Variants in CD163L1 observed in about 807,000 individuals in gnomAD.
CD163L1 encodes the protein scavenger receptor cysteine-rich type 1 protein M160.
CD163L1 carries 124 observed loss-of-function variants against 165.4 expected under a neutral mutation model. The observed-to-expected ratio is 0.75, with a 90% confidence interval of 0.65 to 0.87. The LOEUF is 0.87. Among genes scored for constraint, CD163L1 ranks in the 40% least tolerant of loss-of-function variants. The pLI is 0.00. For missense variants in CD163L1, 1,525 were observed against 1,799.9 expected (o/e 0.85, Z 2.76); for synonymous variants, 585 against 662.2 (o/e 0.88, Z 1.79).
rs909377164 is a variant in CD163L1 at position 7,398,171 on chromosome 12, C to T, written c.1729+93G>A. ...AAGAGTCATGGCCCCTCAATCAATTCCCACATGTAAGCCAGTTTATAGACC... is the reference window on the plus strand; with the variant it reads ...AAGAGTCATGGCCCCTCAATCAATTTCCACATGTAAGCCAGTTTATAGACC... On this transcript the variant is annotated intron_variant, in intron 7 of 19. Transcript: ENST00000313599. This position sits in a 1 kb window ranked among gnomAD's most constrained non-coding sequence, Gnocchi z 4.5. The T allele has an allele frequency of 5.3e-6, 6 of 1,136,074 alleles. No individual in the cohort carries two copies. Among genetic ancestry groups the T allele is most frequent in the Non-Finnish European group, 7.5e-6 (6 of 794,950 alleles). 70.4% of individuals were successfully genotyped at this position (1,136,074 alleles called of 1,614,324 possible).
rs746561080 is a variant in CD163L1 at position 7,439,840 on chromosome 12, T to C, written c.124+1314A>G. 2.5e-4 allele frequency: 406 copies of C among 1,613,310 alleles called. 1 individual carries two copies. The highest frequency in any genetic ancestry group is 4.5e-5 in the Non-Finnish European group (53 of 1,179,530). The stretch of plus-strand genomic sequence containing the variant: ...CACATCCTCTCCGTCCTCCTCACTG[T>C]CGCCAAAGGCCTCCGCTCCTCTCGC... On this transcript the variant is annotated intron_variant, in intron 2 of 19. Transcript: ENST00000313599.
At chr12:7,330,634 A>G in the CD163L1 span, among the ~76,000 whole-genome samples, 1 of 152,222 alleles carries the variant, frequency 6.6e-6, no homozygotes, top group Non-Finnish European at 1.5e-5. Flanking sequence ...ATTTAGAGAA[A>G]GGGTTCCTCA....
At position 7,398,311 on chromosome 12, in the gene CD163L1, C is replaced by A. The variant is rs201614670; in HGVS notation, c.1682G>T (p.Gly561Val). The A allele has an allele frequency of 6.2e-6, 10 of 1,614,112 alleles. No homozygotes were observed. Among genetic ancestry groups the A allele is most frequent in the Non-Finnish European group, 8.5e-6 (10 of 1,179,992 alleles). The change falls in exon 7 of 20, where the codon GGA (glycine) becomes GTA (valine). Residue 561 changes from glycine to valine, a missense_variant. By Grantham distance (109) the Gly-to-Val change is moderately radical. Coordinates refer to ENST00000313599, the MANE Select transcript of CD163L1 (RefSeq NM_174941.6). This position sits in a 1 kb window ranked among gnomAD's most constrained non-coding sequence, Gnocchi z 4.5. ...NIWDCEHSGW[G>V]KHNCVHREDV... Reference sequence around the variant, plus strand: ...CTCTCTGTGTACACAATTATGCTTTCCCCATCCACTGTGTTCACAGTCCCA... The same window carrying A: ...CTCTCTGTGTACACAATTATGCTTTACCCATCCACTGTGTTCACAGTCCCA...
chr12:7,350,161 G>T (rs1392946887), downstream of CD163L1, among the ~76,000 whole-genome samples: 1 of 152,118 alleles, frequency 6.6e-6, no homozygotes, highest in Non-Finnish European at 1.5e-5. Context: ...ATCTTCATTT[G>T]CTAAAACATG....
the CD163L1 span, among the ~76,000 whole-genome samples, chr12:7,340,732 C>T: frequency 6.6e-6 from 1 of 152,134 alleles, no homozygotes; most frequent in Non-Finnish European, 1.5e-5. Flanking sequence ...GAGTATCTCC[C>T]CCATGGAAGG....
At chr12:7,388,977 G>A (rs1374176765) in intron 8 of CD163L1, among the ~76,000 whole-genome samples, 3 of 152,146 alleles carry the variant, frequency 2.0e-5, no homozygotes, top group Non-Finnish European at 2.9e-5. Flanking sequence ...TTGTGTATAT[G>A]TACCACATTT....
At position 7,439,614 on chromosome 12, in the gene CD163L1, T is replaced by C. The variant is rs765790960; in HGVS notation, c.124+1540A>G. ...CCTCAAATATGTCGTTATTTAAGGA[T>C]AGTCTCTGAATATCCTTCCTGACTG... On this transcript the variant is annotated intron_variant, in intron 2 of 19. Coordinates refer to ENST00000313599, the MANE Select transcript of CD163L1 (RefSeq NM_174941.6). The C allele has an allele frequency of 2.2e-5, 36 of 1,604,330 alleles. No homozygotes were observed. The African/African-American group carries it at 3.2e-4, about 14-fold the overall frequency.
At chr12:7,403,934 A>C in intron 5 of CD163L1, 79 bp from the exon 6 acceptor site, 5 of 1,106,812 alleles carry the variant, frequency 4.5e-6, no homozygotes, top group Non-Finnish European at 6.6e-6. Context: ...AACCCCTCCA[A>C]TGTGAAGATT....
intron 4 of CD163L1, among the ~76,000 whole-genome samples, chr12:7,407,582 G>A (rs1256725692): frequency 6.7e-6 from 1 of 150,268 alleles, no homozygotes; most frequent in Non-Finnish European, 1.5e-5. Context: ...CATATGTAGT[G>A]GTCAATTTTA....
At chr12:7,425,020 A>G (rs1185439725) in intron 4 of CD163L1, among the ~76,000 whole-genome samples, 2 of 152,356 alleles carry the variant, frequency 1.3e-5, no homozygotes. Context: ...AAGAGCCCAT[A>G]TAGCCAAGAC....
chr12:7,379,317 A>G lies in CD163L1; in HGVS notation c.2051-19T>C, dbSNP rs375849106. The G allele has an allele frequency of 6.2e-6, 10 of 1,609,962 alleles. No homozygotes were observed. Among genetic ancestry groups the G allele is most frequent in the Middle Eastern group, 1.7e-4 (1 of 6,058 alleles). ...GATGCATCTGAAACCAAATACCACA[A>G]TGATTTTAGAGAAGCACTCTATGTG... On this transcript the variant is annotated intron_variant, in intron 8 of 19. Transcript: ENST00000313599.
chr12:7,367,441 C>A, intron 17 of CD163L1, 110 bp from the exon 18 acceptor site: 1 of 579,236 alleles, frequency 1.7e-6, no homozygotes, highest in Non-Finnish European at 3.0e-6. Flanking sequence ...AGCTAAAATC[C>A]AATGGCTCTT....
At chr12:7,365,549 T>C (rs967797226) in intron 18 of CD163L1, among the ~76,000 whole-genome samples, 2 of 151,932 alleles carry the variant, frequency 1.3e-5, no homozygotes, top group Non-Finnish European at 2.9e-5. Context: ...TATATAGAGC[T>C]CAGACAACTC....
chr12:7,401,477 CA>C (rs1947914614), intron 6 of CD163L1, among the ~76,000 whole-genome samples: 1 of 151,980 alleles, frequency 6.6e-6, no homozygotes. Flanking sequence ...TTTTACATGA[CA>C]ATTTCATTTT....
intron 1 of CD163L1, 54 bp downstream of exon 1, chr12:7,444,037 ATATTCT>A: frequency 3.5e-6 from 5 of 1,447,592 alleles, no homozygotes; most frequent in East Asian, 2.3e-5. Flanking sequence ...GTTGTTACAC[ATATTCT>A]TAGTATACCC....
the CD163L1 span, among the ~76,000 whole-genome samples, chr12:7,329,600 TG>T: frequency 1.2e-4 from 18 of 152,158 alleles, no homozygotes; most frequent in South Asian, 2.5e-3. Flanking sequence ...AGACTGCAGT[TG>T]TTTTTTTTGT....
chr12:7,319,589 CAA>C, the CD163L1 span, among the ~76,000 whole-genome samples: 15 of 53,642 alleles, frequency 2.8e-4, no homozygotes, highest in Admixed American at 4.3e-4. Flanking sequence ...GACTCCGTCT[CAA>C]AAAAAAAAAA....
chr12:7,324,730 T>A, the CD163L1 span: 1 of 955,308 alleles, frequency 1.0e-6, no homozygotes. Flanking sequence ...GGCCAAAATA[T>A]AAATCAGGCA....
intron 2 of CD163L1, chr12:7,439,396 T>C (rs1948783305): frequency 1.9e-6 from 3 of 1,599,504 alleles, no homozygotes; most frequent in Non-Finnish European, 1.7e-6. Context: ...CTTTTCTTTG[T>C]CCTTAAATCA....
Sources: gnomAD v4.1 joint callset for allele counts (sites outside exome capture counted in the v4.1 genomes callset) on GRCh38, gnomAD v4.1.1 for gene constraint, Gnocchi (gnomAD v3.1) non-coding constraint, MANE v1.5 for transcripts, NCBI Gene and HGNC (gene_info 2026-07-23, HGNC 2026-07-21) for gene names.